The following TBC1D14 variants were observed in gnomAD, a reference collection of about 807,000 sequenced individuals.
TBC1D14 encodes TBC1 domain family, member 14.
Under a neutral mutation model 79.0 loss-of-function variants are expected in TBC1D14, and 26 were observed. The ratio of observed to expected loss-of-function variants is 0.33; its 90% CI spans 0.24 to 0.46. The LOEUF (loss-of-function observed/expected upper bound fraction) is 0.46. Ranked by LOEUF, TBC1D14 falls within the 20% of genes least tolerant of loss-of-function variation. The probability of loss-of-function intolerance (pLI) is 1.00; values close to 1 mark genes in which losing one functional copy is unlikely to be tolerated. For missense variants in TBC1D14, 769 were observed against 887.6 expected, an observed-to-expected ratio of 0.87 and a Z score of 1.70; for synonymous variants, 394 against 349.9, an observed-to-expected ratio of 1.13 and a Z score of -1.40.
chr4:6,920,211 C>T (rs926162556), intron 1 of TBC1D14, among the ~76,000 whole-genome samples: 14 of 152,098 alleles, frequency 9.2e-5, no homozygotes, highest in African/African-American at 2.7e-4. Context: ...TTTGACTCAG[C>T]GCTGCACTCT....
chr4:6,984,710 C>T (rs1364882667), intron 3 of TBC1D14, among the ~76,000 whole-genome samples: 1 of 152,168 alleles, frequency 6.6e-6, no homozygotes, highest in Non-Finnish European at 1.5e-5. Context: ...GTGTAAATTT[C>T]GTCCACACAA....
intron 2 of TBC1D14, among the ~76,000 whole-genome samples, chr4:6,933,245 T>TC (rs140156378): frequency 0.011 from 89 of 7,760 alleles, 5 homozygotes; most frequent in East Asian, 0.015. Context: ...TTACCTCCCC[T>TC]CCCCTCCCCT....
chr4:6,928,486 G>A (rs114538387), intron 2 of TBC1D14, among the ~76,000 whole-genome samples: 1,716 of 152,222 alleles, frequency 0.011, 43 homozygotes, highest in African/African-American at 0.039. Flanking sequence ...TAGCCCCTGC[G>A]ATCGCCAGTG....
chr4:6,998,767 G>A (rs1445230414), intron 5 of TBC1D14: 3 of 234,498 alleles, frequency 1.3e-5, no homozygotes, highest in African/African-American at 6.9e-5. Context: ...TCGAACTCCT[G>A]ACCTCAGGTG....
intron 2 of TBC1D14, among the ~76,000 whole-genome samples, chr4:6,934,156 T>C (rs187712662): frequency 0.011 from 1,652 of 152,012 alleles, 17 homozygotes; most frequent in Middle Eastern, 0.044. Flanking sequence ...GGAGGTGGTT[T>C]GAAACCAGGT....
intron 2 of TBC1D14, among the ~76,000 whole-genome samples, chr4:6,958,402 C>CACACACACAA (rs1170400668): frequency 1.3e-5 from 2 of 151,752 alleles, no homozygotes; most frequent in Non-Finnish European, 2.9e-5. Context: ...CACACACACA[C>CACACACACAA]AGATATTACT....
intron 13 of TBC1D14, among the ~76,000 whole-genome samples, chr4:7,028,102 C>T (rs764015221): frequency 1.3e-4 from 19 of 146,550 alleles, no homozygotes; most frequent in Non-Finnish European, 2.1e-4. Flanking sequence ...ACACCTATCA[C>T]AGCCCCACAC....
chr4:6,982,263 A>T (rs1156562731), intron 3 of TBC1D14, among the ~76,000 whole-genome samples: 1 of 152,276 alleles, frequency 6.6e-6, no homozygotes, highest in Non-Finnish European at 1.5e-5. Context: ...GGTACATTCC[A>T]TACAACGAAA....
chr4:7,000,711 ACT>A (rs548466150), intron 6 of TBC1D14, among the ~76,000 whole-genome samples: 138 of 151,464 alleles, frequency 9.1e-4, no homozygotes, highest in Middle Eastern at 3.4e-3. Flanking sequence ...CCGTCTGCTG[ACT>A]CTCTGCTGGG....
At chr4:6,954,284 G>T in intron 2 of TBC1D14, 1 of 717,502 alleles carries the variant, frequency 1.4e-6, no homozygotes, top group Non-Finnish European at 2.6e-6. Flanking sequence ...CCTCGGAGCT[G>T]CGAGGTCACA....
At chr4:7,018,204 T>C (rs773628208) in intron 12 of TBC1D14, among the ~76,000 whole-genome samples, 3 of 152,232 alleles carry the variant, frequency 2.0e-5, no homozygotes, top group Non-Finnish European at 4.4e-5. Flanking sequence ...ATTATGGGTC[T>C]GCACTGTGCC....
chr4:6,960,910 G>A (rs1038677165), intron 2 of TBC1D14, among the ~76,000 whole-genome samples: 5 of 152,170 alleles, frequency 3.3e-5, no homozygotes, highest in Admixed American at 1.3e-4. Context: ...GGTGTCCAAC[G>A]CGTACCTGAC....
At chr4:7,027,422 CACAT>C (rs1441902575) in intron 13 of TBC1D14, among the ~76,000 whole-genome samples, 26 of 125,262 alleles carry the variant, frequency 2.1e-4, no homozygotes, top group Non-Finnish European at 4.4e-4. Context: ...CACACACCTA[CACAT>C]ACACAGTCAC....
At chr4:6,980,440 C>G (rs1175979105) in intron 3 of TBC1D14, among the ~76,000 whole-genome samples, 1 of 152,092 alleles carries the variant, frequency 6.6e-6, no homozygotes, top group African/African-American at 2.4e-5. Flanking sequence ...AAAAAGGTCT[C>G]AGATCAGTAA....
Position 6,967,352 on chromosome 4 carries a change from C to T in TBC1D14, c.771C>T (p.Asp257=), listed in dbSNP as rs149098176. Residue 257 remains aspartate, a synonymous_variant, in exon 3 of 14, where the codon GAC becomes GAT. Transcript: ENST00000409757. Reference sequence around the variant, plus strand: ...GTGCAAGGCTTGACAAACACAATGACTTGGGATGGAAGTTATTTGGGAAAG... The same window carrying T: ...GTGCAAGGCTTGACAAACACAATGATTTGGGATGGAAGTTATTTGGGAAAG... The part of the protein sequence containing the change: ...KQSARLDKHN[D]LGWKLFGKAP... 2.2e-5 allele frequency: 35 copies of T among 1,613,886 alleles called. No homozygotes were observed. In the African/African-American group the frequency reaches 4.4e-4, roughly 20 times the overall value.
At chr4:6,948,975 A>G (rs1713756030) in intron 2 of TBC1D14, among the ~76,000 whole-genome samples, 1 of 151,032 alleles carries the variant, frequency 6.6e-6, no homozygotes, top group Admixed American at 6.6e-5. Context: ...AGGCGGGTGG[A>G]TCACCTGGCC....
chr4:7,009,022 T>C (rs1720491343), intron 9 of TBC1D14, among the ~76,000 whole-genome samples: 1 of 152,250 alleles, frequency 6.6e-6, no homozygotes, highest in African/African-American at 2.4e-5. Context: ...AACTGTCTTT[T>C]CTTTTACTTA....
At chr4:7,003,578 A>G (rs1040598807) in intron 7 of TBC1D14, among the ~76,000 whole-genome samples, 1 of 152,256 alleles carries the variant, frequency 6.6e-6, no homozygotes, top group Non-Finnish European at 1.5e-5. Context: ...GCTCTGCTGT[A>G]TTTTCCAAAA....
chr4:6,960,316 T>A (rs1250468066), intron 2 of TBC1D14, among the ~76,000 whole-genome samples: 2 of 150,846 alleles, frequency 1.3e-5, no homozygotes. Flanking sequence ...GATCTCAAAC[T>A]CCTGAGCTCA....
Sources: allele counts gnomAD v4.1 joint callset (sites outside exome capture counted in the v4.1 genomes callset), GRCh38; gene constraint gnomAD v4.1.1; transcripts MANE v1.5; gene names NCBI Gene and HGNC (gene_info 2026-07-23, HGNC 2026-07-21).